The following KATNAL2 variants were observed in gnomAD, a reference collection of about 807,000 sequenced individuals.
KATNAL2 encodes the protein katanin catalytic subunit A1 like 2.
In KATNAL2, 52 loss-of-function variants were observed where a neutral mutation model predicts 76.3. The observed-to-expected ratio is 0.68, with a 90% CI of 0.55 to 0.86. The LOEUF (loss-of-function observed/expected upper bound fraction) is 0.86. Among genes scored for constraint, KATNAL2 ranks in the 40% least tolerant of loss-of-function variants. The probability of loss-of-function intolerance (pLI) is 0.00; values close to 1 mark genes in which losing one functional copy is unlikely to be tolerated. For missense variants in KATNAL2, 660 were observed against 668.9 expected (o/e 0.99, Z 0.15); for synonymous variants, 243 against 244.2 (o/e 1.00, Z 0.05).
At chr18:47,049,049 TC>T (rs1355466286) in intron 4 of KATNAL2, among the ~76,000 whole-genome samples, 1 of 152,050 alleles carries the variant, frequency 6.6e-6, no homozygotes, top group Non-Finnish European at 1.5e-5. Context: ...GGTCTCGATC[TC>T]CTGCCCTCGT....
intron 3 of KATNAL2, chr18:47,033,590 G>T: frequency 6.2e-7 from 1 of 1,614,164 alleles, no homozygotes; most frequent in Non-Finnish European, 8.5e-7. Context: ...CACCCTTCCA[G>T]AACAGGTTCA....
chr18:46,920,015 A>G (rs1273848956), intron 1 of KATNAL2: 1 of 1,267,240 alleles, frequency 7.9e-7, no homozygotes, highest in Non-Finnish European at 1.0e-6. Context: ...CAACATAAAC[A>G]CAAAACAGTA....
Position 47,067,092 on chromosome 18 carries a change from C to A in KATNAL2, c.798C>A (p.Val266=). ...IIGLDAAKQL[V]KEAVVYPIRY... is the part of the protein sequence containing the mutation. ...GACTTGATGCAGCCAAGCAGTTAGT[C>A]AAAGAAGCTGTTGTGTATCCTATAA... is the stretch of plus-strand genomic sequence containing the variant. The change falls in exon 11 of 18, where the codon GTC becomes GTA. Residue 266 remains valine, a synonymous_variant. Coordinates refer to ENST00000683218, the MANE Select transcript of KATNAL2 (RefSeq NM_001387690.1). 3 of 1,580,076 alleles carry A rather than the reference C, an allele frequency of 1.9e-6. No individual in the cohort carries two copies. The highest frequency in any genetic ancestry group is 2.6e-6 in the Non-Finnish European group (3 of 1,156,918).
chr18:47,054,551 C>G, intron 6 of KATNAL2, 113 bp downstream of exon 6: 1 of 1,046,186 alleles, frequency 9.6e-7, no homozygotes. Context: ...ATACTGACTG[C>G]AGTCATGTGA....
At chr18:47,069,093 C>T in intron 11 of KATNAL2, 127 bp from the exon 12 acceptor site, 1 of 654,790 alleles carries the variant, frequency 1.5e-6, no homozygotes, top group Non-Finnish European at 2.7e-6. Flanking sequence ...CAACCTTAAG[C>T]AAAAAAGGGA....
rs568977281 is a variant in KATNAL2, at chr18:47,035,063, C to T, written c.52-11394C>T. The T allele has an allele frequency of 3.5e-5, 57 of 1,610,898 alleles. 1 individual carries two copies. The highest frequency in any genetic ancestry group is 4.5e-5 in the Non-Finnish European group (53 of 1,179,732). On this transcript the variant is annotated intron_variant, in intron 3 of 17. Coordinates refer to ENST00000683218, the MANE Select transcript of KATNAL2 (RefSeq NM_001387690.1). The stretch of plus-strand genomic sequence containing the variant: ...AGCTTCTTCCACCGGGCCGCTAAGT[C>T]TCTGGCAAAGTCGCCCACGTGCTGG...
chr18:46,948,888 T>TTG (rs71264810), intron 3 of KATNAL2, among the ~76,000 whole-genome samples: 10,794 of 145,816 alleles, frequency 0.074, 407 homozygotes, highest in Non-Finnish European at 0.099. Context: ...AGTATCTGCA[T>TTG]TGTGTGTGTG....
intron 3 of KATNAL2, among the ~76,000 whole-genome samples, chr18:47,037,286 C>T (rs151123849): frequency 6.6e-6 from 1 of 152,270 alleles, no homozygotes; most frequent in East Asian, 1.9e-4. Context: ...GCTATGGTAT[C>T]ATAGGATTCA....
At chr18:46,929,881 T>C (rs2058852031) in intron 1 of KATNAL2, among the ~76,000 whole-genome samples, 3 of 152,268 alleles carry the variant, frequency 2.0e-5, no homozygotes, top group African/African-American at 7.2e-5. Flanking sequence ...TTTGAGTGAT[T>C]CTCCTGTCTC....
At position 47,075,347 on chromosome 18, in the gene KATNAL2, G is replaced by C; in HGVS notation, c.1079G>C (p.Ser360Thr). The change falls in exon 14 of 18, where the codon AGT becomes ACT. Residue 360 changes from serine (S) to threonine (T), a missense_variant. Ser to Thr is a moderately conservative substitution (Grantham distance 58). Transcript: ENST00000683218. ...IFLDELESVM[S>T]QRGTASGGEH... is the part of the protein sequence containing the mutation. ...CTGGACGAGCTGGAGTCGGTGATGA[G>C]TCAGAGAGGCACAGCTTCTGGGTAA... 6.5e-7 allele frequency: 1 copy of C among 1,547,726 alleles called. No homozygotes were observed. Among genetic ancestry groups the C allele is most frequent in the Non-Finnish European group, 8.7e-7 (1 of 1,152,740 alleles).
intron 1 of KATNAL2, 109 bp downstream of exon 1, chr18:46,918,035 G>T (rs2146418164): frequency 1.3e-5 from 2 of 152,006 alleles, no homozygotes; most frequent in Admixed American, 1.3e-4. Context: ...AAGGGCACCT[G>T]AAGGTCACGG....
At chr18:46,959,582 A>T (rs550880711) in intron 3 of KATNAL2, among the ~76,000 whole-genome samples, 2 of 152,024 alleles carry the variant, frequency 1.3e-5, no homozygotes, top group East Asian at 1.9e-4. Context: ...TTTTAATTTA[A>T]TTTTTTTTGG....
chr18:47,049,552 G>A (rs1028383023), intron 4 of KATNAL2, among the ~76,000 whole-genome samples: 1 of 152,184 alleles, frequency 6.6e-6, no homozygotes, highest in Non-Finnish European at 1.5e-5. Context: ...AGAGTTTTGT[G>A]GTCAGGTAAG....
intron 13 of KATNAL2, 28 bp from the exon 14 acceptor site, chr18:47,075,249 A>T: frequency 4.6e-6 from 7 of 1,532,544 alleles, no homozygotes; most frequent in Non-Finnish European, 6.1e-6. Flanking sequence ...TATAAGCTTG[A>T]ACACTTGCTT....
chr18:46,929,017 C>G (rs4890704), intron 1 of KATNAL2, among the ~76,000 whole-genome samples: 1 of 151,756 alleles, frequency 6.6e-6, no homozygotes, highest in East Asian at 2.0e-4. Context: ...AGGCTGGTCT[C>G]GAACTCCTGA....
At chr18:47,035,406 C>T (rs1260765826) in intron 3 of KATNAL2, 55 of 1,484,990 alleles carry the variant, frequency 3.7e-5, no homozygotes, top group East Asian at 7.3e-5. Context: ...CAGCCTGGAG[C>T]GAGCTGGGTC....
At chr18:47,033,022 C>T (rs2060552037) in intron 3 of KATNAL2, 4 of 1,614,024 alleles carry the variant, frequency 2.5e-6, no homozygotes, top group African/African-American at 2.7e-5. Context: ...GGAGAATCTT[C>T]TCTTGTAGTC....
chr18:47,093,289 T>A (rs184784230), intron 15 of KATNAL2, among the ~76,000 whole-genome samples: 1 of 152,194 alleles, frequency 6.6e-6, no homozygotes, highest in African/African-American at 2.4e-5. Context: ...AGTTAAGTAC[T>A]AGTTAAGCAT....
intron 15 of KATNAL2, among the ~76,000 whole-genome samples, chr18:47,096,124 G>A (rs988557747): frequency 1.3e-5 from 2 of 152,034 alleles, no homozygotes; most frequent in Admixed American, 6.6e-5. Context: ...ACAAACAATA[G>A]GAGAGGAAAA....
Sources: allele counts gnomAD v4.1 joint callset (sites outside exome capture counted in the v4.1 genomes callset), GRCh38; gene constraint gnomAD v4.1.1; transcripts MANE v1.5; gene names NCBI Gene and HGNC (gene_info 2026-07-23, HGNC 2026-07-21).